The following ATP11B variants were observed in gnomAD, a reference collection of about 807,000 sequenced individuals.
ATP11B encodes the protein phospholipid-transporting ATPase IF.
In ATP11B, 81 loss-of-function variants were observed where a neutral mutation model predicts 157.8. That is an observed-to-expected ratio of 0.51 (90% CI 0.43 to 0.62). ATP11B has a LOEUF of 0.62. Ranked by LOEUF, ATP11B falls within the 20% of genes least tolerant of loss-of-function variation. The probability of loss-of-function intolerance (pLI) is 0.00; values close to 1 mark genes in which losing one functional copy is unlikely to be tolerated. For missense variants in ATP11B, 1,165 were observed against 1,402.2 expected (o/e 0.83, Z 2.70); for synonymous variants, 451 against 469.4 (o/e 0.96, Z 0.51).
At position 182,918,118 on chromosome 3, in the gene ATP11B, C is replaced by T; in HGVS notation, c.*14C>T. 1 of 1,611,982 alleles carries T rather than the reference C, an allele frequency of 6.2e-7. No homozygotes were observed. The highest frequency in any genetic ancestry group is 8.5e-7 in the Non-Finnish European group (1 of 1,178,862). ...TCTACTTGTTAAAGGGGCAGTAGTA[C>T]TTTGTGGGAGCCAGTTCACCTCCTT... On this transcript the variant is annotated 3_prime_UTR_variant, in exon 30 of 30. Transcript: ENST00000323116.
At chr3:182,883,148 A>G (rs1032641355) in intron 21 of ATP11B, among the ~76,000 whole-genome samples, 1 of 152,148 alleles carries the variant, frequency 6.6e-6, no homozygotes, top group Non-Finnish European at 1.5e-5. Flanking sequence ...TGAATGCAGG[A>G]ATTTCTTCTA....
intron 10 of ATP11B, among the ~76,000 whole-genome samples, chr3:182,851,109 A>G (rs1405481519): frequency 6.6e-6 from 1 of 152,138 alleles, no homozygotes; most frequent in African/African-American, 2.4e-5. Flanking sequence ...TCTAGTCAAC[A>G]TGGCAAAACC....
rs543630423 is a variant in ATP11B, at chr3:182,911,343, C to G, written c.3319-2518C>G. ...TTCATCAAATCTTCATGCCCTCCCACCAGTACCACTAACAGCAGCTGGGTT... is the reference window on the plus strand; with the variant it reads ...TTCATCAAATCTTCATGCCCTCCCAGCAGTACCACTAACAGCAGCTGGGTT... On this transcript the variant is annotated intron_variant, in intron 28 of 29. Coordinates refer to ENST00000323116, the MANE Select transcript of ATP11B (RefSeq NM_014616.3). 6.1e-5 allele frequency among the ~76,000 whole-genome samples: 9 copies of G among 147,730 alleles called. No individual in the cohort carries two copies. In the South Asian group the frequency reaches 1.9e-3, roughly 31 times the overall value.
intron 1 of ATP11B, among the ~76,000 whole-genome samples, chr3:182,799,035 A>G (rs924949978): frequency 1.3e-5 from 2 of 152,246 alleles, no homozygotes; most frequent in South Asian, 4.1e-4. Flanking sequence ...CAGATTCAAG[A>G]AAGTTTTTGA....
At chr3:182,885,406 AC>A (rs1158865977) in intron 22 of ATP11B, among the ~76,000 whole-genome samples, 4 of 152,166 alleles carry the variant, frequency 2.6e-5, no homozygotes, top group Non-Finnish European at 4.4e-5. Context: ...ACCAGAGTGT[AC>A]TATGTTGCAT....
intron 10 of ATP11B, among the ~76,000 whole-genome samples, chr3:182,853,700 G>A (rs1015353977): frequency 3.9e-5 from 6 of 152,154 alleles, no homozygotes; most frequent in African/African-American, 1.2e-4. Flanking sequence ...TTAATAGATT[G>A]TCAAGCTCAG....
At chr3:182,914,987 A>T in intron 29 of ATP11B, 1 of 985,346 alleles carries the variant, frequency 1.0e-6, no homozygotes, top group Non-Finnish European at 1.2e-6. Context: ...CACTTTCTAC[A>T]TGTGCCAGGG....
At chr3:182,835,888 G>C in intron 4 of ATP11B, 147 bp from the exon 5 acceptor site, 2 of 528,578 alleles carry the variant, frequency 3.8e-6, no homozygotes, top group Non-Finnish European at 3.3e-6. Context: ...ACAAATATCA[G>C]ATACCTATGA....
intron 19 of ATP11B, among the ~76,000 whole-genome samples, chr3:182,874,994 A>G (rs1342260033): frequency 6.6e-6 from 1 of 152,134 alleles, no homozygotes; most frequent in Non-Finnish European, 1.5e-5. Context: ...TGCATGACCA[A>G]ACTGGGAAAT....
chr3:182,883,567 G>A (rs556209262), intron 21 of ATP11B, among the ~76,000 whole-genome samples: 5 of 150,790 alleles, frequency 3.3e-5, no homozygotes, highest in Admixed American at 2.0e-4. Flanking sequence ...CTGAGCCACC[G>A]TGCCCAGCCT....
chr3:182,899,575 A>T (rs1723808940), intron 28 of ATP11B, among the ~76,000 whole-genome samples: 1 of 152,210 alleles, frequency 6.6e-6, no homozygotes, highest in Non-Finnish European at 1.5e-5. Flanking sequence ...TTTATTAATA[A>T]ATATTAAACT....
chr3:182,796,751 ATAAT>A (rs1408078278), intron 1 of ATP11B, among the ~76,000 whole-genome samples: 1 of 152,226 alleles, frequency 6.6e-6, no homozygotes, highest in African/African-American at 2.4e-5. Context: ...TGCTGAACAA[ATAAT>A]TAATAGATGA....
intron 10 of ATP11B, among the ~76,000 whole-genome samples, chr3:182,851,937 C>T (rs533038534): frequency 5.9e-5 from 9 of 152,224 alleles, no homozygotes; most frequent in South Asian, 4.2e-4. Context: ...AATAGGTTGA[C>T]ATCAAAAGAT....
At position 182,836,156 on chromosome 3, in the gene ATP11B, A is replaced by G. The variant is rs372502564; in HGVS notation, c.423+14A>G. On this transcript the variant is annotated intron_variant, in intron 5 of 29. Coordinates refer to ENST00000323116, the MANE Select transcript of ATP11B (RefSeq NM_014616.3). ...AAAAACATTCGGGTATGCATCTGGT[A>G]AATAATGGAAATCAACTTTATCTTG... 6.2e-7 allele frequency: 1 copy of G among 1,601,810 alleles called. No individual in the cohort carries two copies. The highest frequency in any genetic ancestry group is 1.1e-5 in the South Asian group (1 of 89,974).
intron 10 of ATP11B, among the ~76,000 whole-genome samples, chr3:182,850,867 T>C (rs765596249): frequency 6.6e-6 from 1 of 151,914 alleles, no homozygotes; most frequent in East Asian, 1.9e-4. Context: ...GATAAAAAAA[T>C]GTATACATAC....
chr3:182,801,698 C>A (rs553965916), intron 1 of ATP11B, among the ~76,000 whole-genome samples: 1 of 152,282 alleles, frequency 6.6e-6, no homozygotes, highest in South Asian at 2.1e-4. Context: ...CTGTATTTAT[C>A]TCCAAAATCG....
At chr3:182,801,211 G>A (rs1715991260) in intron 1 of ATP11B, among the ~76,000 whole-genome samples, 2 of 152,140 alleles carry the variant, frequency 1.3e-5, no homozygotes, top group South Asian at 4.1e-4. Context: ...CCAAAATTTA[G>A]ATGAAATACC....
intron 12 of ATP11B, among the ~76,000 whole-genome samples, chr3:182,865,225 G>C (rs1721140929): frequency 6.6e-6 from 1 of 152,134 alleles, no homozygotes; most frequent in African/African-American, 2.4e-5. Flanking sequence ...ACGTAAAGAT[G>C]CCACAAACTT....
At position 182,896,555 on chromosome 3, in the gene ATP11B, T is replaced by G. The variant is rs1723560986; in HGVS notation, c.2983-145T>G. 14 of 657,072 alleles carry G rather than the reference T, an allele frequency of 2.1e-5. No homozygotes were observed. In the South Asian group the frequency reaches 2.7e-4, roughly 13 times the overall value. The allele number at this position is 657,072 out of a possible 1,614,324, so 40.7% of individuals were successfully genotyped here. Reference sequence around the variant, plus strand: ...TGCTTTATGCTGTTCTTCTCATACTTTTAACTTTATGAGTATAGTCACCAG... The same window carrying G: ...TGCTTTATGCTGTTCTTCTCATACTGTTAACTTTATGAGTATAGTCACCAG... On this transcript the variant is annotated intron_variant, in intron 25 of 29. Transcript: ENST00000323116.
Sources: allele counts gnomAD v4.1 joint callset (sites outside exome capture counted in the v4.1 genomes callset), GRCh38; gene constraint gnomAD v4.1.1; transcripts MANE v1.5; gene names NCBI Gene and HGNC (gene_info 2026-07-23, HGNC 2026-07-21).